FMN2: variants seen among roughly 807,000 people sequenced by gnomAD.
FMN2 encodes the protein formin 2, also known as formin-2.
A neutral mutation model predicts 142.3 loss-of-function variants in FMN2; 51 were observed. The observed-to-expected ratio is 0.36, with a 90% CI of 0.29 to 0.45. The LOEUF (loss-of-function observed/expected upper bound fraction) is 0.45, where lower values mean the gene tolerates loss of function less well. FMN2 is among the 20% of genes least tolerant of loss of function. The pLI is 1.00. For missense variants in FMN2, 1,936 were observed against 2,122.8 expected, an observed-to-expected ratio of 0.91 and a Z score of 1.73; for synonymous variants, 882 against 869.8, an observed-to-expected ratio of 1.01 and a Z score of -0.25.
At chr1:240,308,331 G>A (rs1439885373) in intron 8 of FMN2, among the ~76,000 whole-genome samples, 2 of 152,190 alleles carry the variant, frequency 1.3e-5, no homozygotes, top group African/African-American at 4.8e-5. Flanking sequence ...GTAGAACTTT[G>A]TAAGACTTGA....
intron 8 of FMN2, among the ~76,000 whole-genome samples, chr1:240,326,315 A>C (rs760820991): frequency 5.3e-5 from 8 of 152,190 alleles, no homozygotes; most frequent in East Asian, 3.9e-4. Flanking sequence ...GGGCAGCTTT[A>C]TTTCTTTCTG....
At chr1:240,346,444 C>G (rs1671910402) in intron 13 of FMN2, among the ~76,000 whole-genome samples, 1 of 152,008 alleles carries the variant, frequency 6.6e-6, no homozygotes, top group African/African-American at 2.4e-5. Context: ...TAACTGAAAC[C>G]ACAGGAAGCG....
chr1:240,378,323 G>A (rs1231171254), intron 14 of FMN2, among the ~76,000 whole-genome samples: 1 of 151,806 alleles, frequency 6.6e-6, no homozygotes. Context: ...GCTAATTTTT[G>A]TATTTTTAGT....
At chr1:240,199,941 C>A (rs1456661) in intron 4 of FMN2, among the ~76,000 whole-genome samples, 1 of 152,090 alleles carries the variant, frequency 6.6e-6, no homozygotes, top group African/African-American at 2.4e-5. Flanking sequence ...ATTAGCTTTC[C>A]GTAAACTGTT....
chr1:240,222,511 T>TC (rs1012170696), intron 6 of FMN2, among the ~76,000 whole-genome samples: 40 of 152,130 alleles, frequency 2.6e-4, no homozygotes, highest in African/African-American at 9.4e-4. Flanking sequence ...AGTAGTTTTT[T>TC]TTTTAAATTC....
intron 8 of FMN2, among the ~76,000 whole-genome samples, chr1:240,311,680 A>AT (rs1247055271): frequency 1.3e-5 from 2 of 152,184 alleles, no homozygotes; most frequent in Admixed American, 6.5e-5. Flanking sequence ...TTATTGACTG[A>AT]TTTTTTGATA....
intron 1 of FMN2, among the ~76,000 whole-genome samples, chr1:240,105,090 GT>G (rs1312376745): frequency 5.2e-5 from 7 of 134,930 alleles, no homozygotes; most frequent in Non-Finnish European, 1.1e-4. Context: ...TGCTTTCCTA[GT>G]TTATGCTTCT....
intron 2 of FMN2, among the ~76,000 whole-genome samples, chr1:240,134,483 G>T (rs1662858429): frequency 6.6e-6 from 1 of 152,058 alleles, no homozygotes; most frequent in Admixed American, 6.6e-5. Context: ...AAATTAGCCA[G>T]GTGTGGTGGT....
At chr1:240,185,499 T>C (rs1665404936) in intron 3 of FMN2, among the ~76,000 whole-genome samples, 1 of 152,200 alleles carries the variant, frequency 6.6e-6, no homozygotes, top group South Asian at 2.1e-4. Context: ...CAGGTAGCCA[T>C]TGAATTAGAC....
intron 15 of FMN2, among the ~76,000 whole-genome samples, chr1:240,416,986 A>G (rs114168242): frequency 0.023 from 3,444 of 151,608 alleles, 115 homozygotes; most frequent in African/African-American, 0.079. Flanking sequence ...AATAGATTTT[A>G]TTGTTGTTCA....
chr1:240,245,540 A>C, intron 6 of FMN2: 1 of 471,500 alleles, frequency 2.1e-6, no homozygotes, highest in South Asian at 1.5e-5. Context: ...AGGGGTTGTG[A>C]AATAGAGCTC....
At chr1:240,343,468 G>A (rs186059031) in intron 13 of FMN2, among the ~76,000 whole-genome samples, 52 of 152,258 alleles carry the variant, frequency 3.4e-4, no homozygotes, top group South Asian at 1.5e-3. Context: ...GGGGTTCACT[G>A]CGCAGAACCC....
intron 2 of FMN2, among the ~76,000 whole-genome samples, chr1:240,129,053 T>C (rs766236174): frequency 6.6e-6 from 1 of 151,986 alleles, no homozygotes; most frequent in South Asian, 2.1e-4. Context: ...TTTGTATTTT[T>C]AGTAGTGACG....
rs57641655 is a variant in FMN2, at chr1:240,396,303, CGTGTGTGT to C, written c.4910+3776_4910+3783del. 6.5e-3 allele frequency among the ~76,000 whole-genome samples: 927 copies of C among 142,820 alleles called. 10 individuals are homozygous for C. Among genetic ancestry groups the C allele is most frequent in the African/African-American group, 0.019 (735 of 39,618 alleles). 93.7% of individuals were successfully genotyped at this position (142,820 alleles called of 152,430 possible). A position where few individuals can be genotyped will look rare whatever the true frequency, so the allele number is the denominator to read the frequency against. ...AAACCCACAATATCTCCGAGGTTTT[CGTGTGTGT>C]GTGTGTGTGTGTGTGTGTGTGTGTG... is the stretch of plus-strand genomic sequence containing the variant. On this transcript the variant is annotated intron_variant, in intron 15 of 17. Transcript: ENST00000319653.
chr1:240,107,778 T>C (rs1661668777), intron 1 of FMN2, among the ~76,000 whole-genome samples: 2 of 152,176 alleles, frequency 1.3e-5, no homozygotes, highest in African/African-American at 4.8e-5. Context: ...TTGATGCTAG[T>C]CAAATTGAAC....
At chr1:240,370,808 C>A (rs554353958) in intron 14 of FMN2, among the ~76,000 whole-genome samples, 1 of 152,230 alleles carries the variant, frequency 6.6e-6, no homozygotes, top group East Asian at 1.9e-4. Flanking sequence ...CTGATAGTAA[C>A]CTTCAGTCTT....
At chr1:240,105,403 C>T (rs1661570703) in intron 1 of FMN2, among the ~76,000 whole-genome samples, 1 of 151,976 alleles carries the variant, frequency 6.6e-6, no homozygotes, top group Non-Finnish European at 1.5e-5. Flanking sequence ...GCCACTGCAC[C>T]CGGCCTCCAT....
rs149514236 is a variant in FMN2, at chr1:240,217,661, A to AT, written c.4065+6436dup. 6.6e-3 allele frequency among the ~76,000 whole-genome samples: 986 copies of AT among 149,996 alleles called. 8 individuals are homozygous for AT. The highest frequency in any genetic ancestry group is 0.022 in the African/African-American group (905 of 40,966). On this transcript the variant is annotated intron_variant, in intron 6 of 17. Coordinates refer to ENST00000319653, the MANE Select transcript of FMN2 (RefSeq NM_020066.5). ...ATTTGTTTAAGATGTTGAAAGATTT[A>AT]TTTTTTTTTTGAAGATGCTATTCCT...
chr1:240,449,250 C>T (rs1246406625), intron 16 of FMN2, among the ~76,000 whole-genome samples: 3 of 152,294 alleles, frequency 2.0e-5, no homozygotes, highest in Middle Eastern at 6.8e-3. Flanking sequence ...ACACTTCACC[C>T]TCTCTCCGGA....
Sources: allele counts gnomAD v4.1 joint callset (sites outside exome capture counted in the v4.1 genomes callset), GRCh38; gene constraint gnomAD v4.1.1; transcripts MANE v1.5; gene names NCBI Gene and HGNC (gene_info 2026-07-23, HGNC 2026-07-21).